The following SEC24B variants were observed in gnomAD, a reference collection of about 807,000 sequenced individuals.
SEC24B encodes the protein SEC24 homolog B, COPII component.
SEC24B carries 45 observed loss-of-function variants against 142.8 expected under a neutral mutation model. The observed-to-expected ratio is 0.32, with a 90% CI of 0.25 to 0.40. The LOEUF is 0.40. Among genes scored for constraint, SEC24B ranks in the 10% least tolerant of loss-of-function variants. The pLI, the probability that SEC24B is intolerant of heterozygous loss-of-function variation, is 1.00. For missense variants in SEC24B, 1,409 were observed against 1,526.8 expected (o/e 0.92, Z 1.29); for synonymous variants, 574 against 568.2 (o/e 1.01, Z -0.15).
chr4:109,524,639 G>T (rs1724016788), intron 14 of SEC24B, among the ~76,000 whole-genome samples, 179 bp from the exon 15 acceptor site: 1 of 151,768 alleles, frequency 6.6e-6, no homozygotes, highest in African/African-American at 2.4e-5. Context: ...GCACATAAGT[G>T]TTTTTTATAA....
intron 2 of SEC24B, among the ~76,000 whole-genome samples, chr4:109,466,025 G>A (rs1397081115): frequency 6.6e-6 from 1 of 151,782 alleles, no homozygotes; most frequent in Non-Finnish European, 1.5e-5. Flanking sequence ...TATTATCTCA[G>A]GTTAATATGA....
At chr4:109,494,516 G>A in intron 5 of SEC24B, 99 bp from the exon 6 acceptor site, 1 of 1,491,462 alleles carries the variant, frequency 6.7e-7, no homozygotes, top group Non-Finnish European at 9.0e-7. Flanking sequence ...GCTTTAAAAA[G>A]TAAAAAGGAA....
rs116643010 is a variant in SEC24B, at chr4:109,517,611, A to G, written c.2126+971A>G. ...GAATTGTTGTGTTCTCACTACAAAA[A>G]TTTTAACTTTGTGAGGCAATGCATA... On this transcript the variant is annotated intron_variant, in intron 11 of 23. Transcript: ENST00000265175. Among the ~76,000 whole-genome samples, 1,324 of 152,282 alleles carry G rather than the reference A, an allele frequency of 8.7e-3. 24 individuals carry two copies. Among genetic ancestry groups the G allele is most frequent in the African/African-American group, 0.03 (1,264 of 41,552 alleles).
chr4:109,539,513 T>C, intron 23 of SEC24B, 48 bp from the exon 24 acceptor site: 1 of 1,141,902 alleles, frequency 8.8e-7, no homozygotes, highest in Non-Finnish European at 1.3e-6. Context: ...AGTGGTGAAA[T>C]CAGGGCTTTT....
chr4:109,511,752 A>G (rs1461031844), intron 8 of SEC24B, among the ~76,000 whole-genome samples: 1 of 152,190 alleles, frequency 6.6e-6, no homozygotes, highest in African/African-American at 2.4e-5. Flanking sequence ...ACTTTATTTT[A>G]GTGTTATGAT....
intron 1 of SEC24B, among the ~76,000 whole-genome samples, chr4:109,444,987 G>T (rs1416507615): frequency 1.3e-5 from 2 of 152,008 alleles, no homozygotes; most frequent in African/African-American, 4.8e-5. Flanking sequence ...AAGCTGGAGC[G>T]ATCACTGCTC....
intron 1 of SEC24B, among the ~76,000 whole-genome samples, chr4:109,444,214 C>CAAA (rs539104834): frequency 6.2e-5 from 5 of 80,180 alleles, no homozygotes; most frequent in African/African-American, 1.9e-4. Context: ...AACTCCATCT[C>CAAA]AAAAAAAAAA....
At chr4:109,531,947 C>T (rs1183777687) in intron 20 of SEC24B, among the ~76,000 whole-genome samples, 1 of 151,450 alleles carries the variant, frequency 6.6e-6, no homozygotes, top group Non-Finnish European at 1.5e-5. Context: ...GCAGCTTCTG[C>T]CTCCCAGGTT....
chr4:109,523,505 GA>G (rs1372818408), intron 14 of SEC24B, among the ~76,000 whole-genome samples: 2 of 151,884 alleles, frequency 1.3e-5, no homozygotes, highest in Non-Finnish European at 2.9e-5. Flanking sequence ...TAATAACAAT[GA>G]AAGGAATATA....
intron 6 of SEC24B, among the ~76,000 whole-genome samples, chr4:109,501,148 A>T (rs1190874753): frequency 6.6e-6 from 1 of 152,160 alleles, no homozygotes; most frequent in Non-Finnish European, 1.5e-5. Context: ...TATCTTTTAT[A>T]CTATATTGTT....
At chr4:109,503,326 C>T (rs898253576) in intron 6 of SEC24B, among the ~76,000 whole-genome samples, 5 of 151,688 alleles carry the variant, frequency 3.3e-5, no homozygotes, top group African/African-American at 7.3e-5. Context: ...CGGTTTCAAG[C>T]GATTCTCCTG....
chr4:109,435,023 C>G (rs186005931), intron 1 of SEC24B, among the ~76,000 whole-genome samples: 1 of 152,196 alleles, frequency 6.6e-6, no homozygotes, highest in African/African-American at 2.4e-5. Context: ...AGAAAAATAC[C>G]TCTGTCCTGT....
intron 4 of SEC24B, among the ~76,000 whole-genome samples, chr4:109,484,393 G>C (rs1244629720): frequency 6.6e-6 from 1 of 152,186 alleles, no homozygotes; most frequent in East Asian, 1.9e-4. Flanking sequence ...TCATATTGAT[G>C]AGGTTAACTT....
chr4:109,457,991 C>T (rs570466669), intron 1 of SEC24B, among the ~76,000 whole-genome samples: 3 of 152,056 alleles, frequency 2.0e-5, no homozygotes, highest in Non-Finnish European at 4.4e-5. Flanking sequence ...AATCTTTTAG[C>T]GGGCCACTCT....
chr4:109,507,805 C>A (rs1736863676), intron 7 of SEC24B, among the ~76,000 whole-genome samples: 1 of 151,908 alleles, frequency 6.6e-6, no homozygotes, highest in African/African-American at 2.4e-5. Flanking sequence ...GCCACCACAC[C>A]CAGCTAATTT....
chr4:109,448,902 A>T (rs1397896124), intron 1 of SEC24B, among the ~76,000 whole-genome samples: 3 of 150,086 alleles, frequency 2.0e-5, no homozygotes, highest in African/African-American at 7.3e-5. Flanking sequence ...ATGTCTCATT[A>T]GCCTGTAGTC....
intron 5 of SEC24B, 108 bp from the exon 6 acceptor site, chr4:109,494,507 C>A: frequency 7.0e-7 from 1 of 1,436,330 alleles, no homozygotes; most frequent in Non-Finnish European, 9.4e-7. Context: ...GAATAAAAAG[C>A]TTTAAAAAGT....
At chr4:109,501,839 A>G (rs1028363213) in intron 6 of SEC24B, among the ~76,000 whole-genome samples, 10 of 152,360 alleles carry the variant, frequency 6.6e-5, no homozygotes, top group Admixed American at 5.9e-4. Flanking sequence ...ACTCTGTGGC[A>G]GTACTATTCT....
intron 6 of SEC24B, among the ~76,000 whole-genome samples, chr4:109,500,006 G>A (rs768647152): frequency 4.0e-4 from 61 of 152,156 alleles, no homozygotes; most frequent in Non-Finnish European, 4.6e-4. Flanking sequence ...AAGATGTGGA[G>A]ATGGAAGACA....
Sources: allele counts gnomAD v4.1 joint callset (sites outside exome capture counted in the v4.1 genomes callset), GRCh38; gene constraint gnomAD v4.1.1; transcripts MANE v1.5; gene names NCBI Gene and HGNC (gene_info 2026-07-23, HGNC 2026-07-21).